The following CCNY variants were observed in gnomAD, a reference collection of about 807,000 sequenced individuals.
CCNY encodes the protein cyclin Y.
A neutral mutation model predicts 42.8 loss-of-function variants in CCNY; 19 were observed. That is an observed-to-expected ratio of 0.44 (90% CI 0.31 to 0.65). CCNY has a LOEUF of 0.65. Ranked by LOEUF, CCNY falls within the 30% of genes least tolerant of loss-of-function variation. CCNY has a pLI of 0.07. For missense variants in CCNY, 370 were observed against 437.3 expected (o/e 0.85, Z 1.37); for synonymous variants, 165 against 162.7 (o/e 1.01, Z -0.11).
intron 3 of CCNY, among the ~76,000 whole-genome samples, chr10:35,509,388 G>A (rs1017097836): frequency 1.3e-5 from 2 of 152,104 alleles, no homozygotes; most frequent in African/African-American, 4.8e-5. Flanking sequence ...TGATTCTCCT[G>A]CCTCAGCCTC....
intron 1 of CCNY, among the ~76,000 whole-genome samples, chr10:35,460,254 T>G (rs111819813): frequency 6.6e-6 from 1 of 152,220 alleles, no homozygotes; most frequent in Non-Finnish European, 1.5e-5. Flanking sequence ...ATATCTCTAT[T>G]TAGTTATTGA....
chr10:35,282,325 C>T (rs1408510962), intron 3 of CCNY, among the ~76,000 whole-genome samples: 1 of 152,046 alleles, frequency 6.6e-6, no homozygotes, highest in Non-Finnish European at 1.5e-5. Flanking sequence ...TGGGGTCTTA[C>T]TATGTTGCCC....
chr10:35,499,429 C>A (rs1840066494), intron 2 of CCNY, among the ~76,000 whole-genome samples: 1 of 152,168 alleles, frequency 6.6e-6, no homozygotes. Context: ...TCCACCAGGT[C>A]CCTCCCACAA....
chr10:35,513,658 T>C (rs1279811683), intron 3 of CCNY, among the ~76,000 whole-genome samples: 1 of 152,176 alleles, frequency 6.6e-6, no homozygotes, highest in South Asian at 2.1e-4. Context: ...CTGAGGAAAC[T>C]GAGGGGCAGA....
chr10:35,545,824 T>A (rs1273139598), intron 7 of CCNY, among the ~76,000 whole-genome samples: 2 of 152,208 alleles, frequency 1.3e-5, no homozygotes, highest in South Asian at 4.1e-4. Flanking sequence ...ATAATATAAA[T>A]GTGTATTCCA....
chr10:35,346,038 C>A (rs1836294675), intron 1 of CCNY, among the ~76,000 whole-genome samples: 1 of 152,138 alleles, frequency 6.6e-6, no homozygotes, highest in Admixed American at 6.5e-5. Context: ...AAGCTGGAGC[C>A]AGGGCTTGCT....
chr10:35,248,654 AAAAG>A (rs1382845739), intron 2 of CCNY, among the ~76,000 whole-genome samples: 6 of 151,618 alleles, frequency 4.0e-5, no homozygotes, highest in East Asian at 2.0e-4. Context: ...CCTCTCAAAA[AAAAG>A]AAAGAAAGAA....
chr10:35,278,108 C>T (rs970287972), intron 3 of CCNY, among the ~76,000 whole-genome samples: 2 of 152,038 alleles, frequency 1.3e-5, no homozygotes, highest in African/African-American at 2.4e-5. Context: ...AGATGGATGA[C>T]GTCGGGAGAA....
At chr10:35,356,797 T>C (rs1836560041) in intron 1 of CCNY, among the ~76,000 whole-genome samples, 1 of 152,176 alleles carries the variant, frequency 6.6e-6, no homozygotes, top group African/African-American at 2.4e-5. Flanking sequence ...AACTATTCTT[T>C]CTTATAATCC....
intron 1 of CCNY, among the ~76,000 whole-genome samples, chr10:35,397,894 A>G (rs1837558852): frequency 6.6e-6 from 1 of 152,088 alleles, no homozygotes; most frequent in Non-Finnish European, 1.5e-5. Context: ...GCTAACCTTG[A>G]GTGAGGATTC....
chr10:35,506,756 G>A (rs150787504), intron 3 of CCNY, among the ~76,000 whole-genome samples: 21 of 152,320 alleles, frequency 1.4e-4, no homozygotes, highest in Non-Finnish European at 2.5e-4. Flanking sequence ...CTGAGCTGTT[G>A]TTATGATTTA....
At chr10:35,351,750 A>T (rs765073313) in intron 1 of CCNY, among the ~76,000 whole-genome samples, 19 of 152,222 alleles carry the variant, frequency 1.2e-4, no homozygotes, top group Non-Finnish European at 2.4e-4. Context: ...AGATACCCTT[A>T]CAGGACCTTT....
intron 1 of CCNY, among the ~76,000 whole-genome samples, chr10:35,380,307 T>G (rs1475429748): frequency 6.6e-6 from 1 of 152,146 alleles, no homozygotes; most frequent in Admixed American, 6.5e-5. Flanking sequence ...CTTGAGGAGG[T>G]GACTGGTGGT....
At chr10:35,488,491 T>C (rs974127251) in intron 2 of CCNY, among the ~76,000 whole-genome samples, 7 of 152,178 alleles carry the variant, frequency 4.6e-5, no homozygotes, top group African/African-American at 1.7e-4. Flanking sequence ...TGTGTGCAGG[T>C]GTGCAGGTGC....
chr10:35,473,582 G>A (rs1203744586), intron 1 of CCNY, among the ~76,000 whole-genome samples: 1 of 151,894 alleles, frequency 6.6e-6, no homozygotes, highest in East Asian at 1.9e-4. Flanking sequence ...GATTGAGGGA[G>A]GATCATGTGA....
chr10:35,441,706 C>T (rs1174480443), intron 1 of CCNY, among the ~76,000 whole-genome samples: 1 of 152,166 alleles, frequency 6.6e-6, no homozygotes, highest in African/African-American at 2.4e-5. Flanking sequence ...GAGATTGTGC[C>T]ACTGCACTCC....
At chr10:35,352,169 T>TC (rs1212826371) in intron 1 of CCNY, among the ~76,000 whole-genome samples, 1 of 152,208 alleles carries the variant, frequency 6.6e-6, no homozygotes, top group Admixed American at 6.5e-5. Flanking sequence ...AAAATTTTTT[T>TC]CAGAGTTCAA....
intron 1 of CCNY, among the ~76,000 whole-genome samples, chr10:35,402,718 G>A (rs1478674596): frequency 6.6e-6 from 1 of 152,136 alleles, no homozygotes; most frequent in Non-Finnish European, 1.5e-5. Flanking sequence ...AAATATAAAA[G>A]TAAAGAATAG....
chr10:35,276,851 C>A (rs1339159086), intron 3 of CCNY, among the ~76,000 whole-genome samples: 1 of 152,222 alleles, frequency 6.6e-6, no homozygotes. Context: ...GGTGTTCTGC[C>A]TTTGTGTGAC....
Sources: gnomAD v4.1 joint callset for allele counts (sites outside exome capture counted in the v4.1 genomes callset) on GRCh38, gnomAD v4.1.1 for gene constraint, MANE v1.5 for transcripts, NCBI Gene and HGNC (gene_info 2026-07-23, HGNC 2026-07-21) for gene names.